Variants in DENND1A observed in about 807,000 individuals in gnomAD.
DENND1A encodes the protein DENN domain-containing protein 1A.
DENND1A carries 51 observed loss-of-function variants against 113.7 expected under a neutral mutation model. That is an observed-to-expected ratio of 0.45 (90% CI 0.36 to 0.57). The LOEUF (loss-of-function observed/expected upper bound fraction) is 0.57, where lower values mean the gene tolerates loss of function less well. DENND1A is among the 20% of genes least tolerant of loss of function. DENND1A has a pLI of 0.00. For synonymous variants in DENND1A, 565 were observed against 570.8 expected, an observed-to-expected ratio of 0.99 and a Z score of 0.14; for missense variants, 1,258 against 1,395.9, an observed-to-expected ratio of 0.90 and a Z score of 1.57.
At chr9:123,385,190 G>C (rs1208435925) in intron 22 of DENND1A, among the ~76,000 whole-genome samples, 1 of 152,062 alleles carries the variant, frequency 6.6e-6, no homozygotes, top group East Asian at 1.9e-4. Flanking sequence ...TTCAGACGGA[G>C]TTTCACTCTT....
At chr9:123,619,690 T>C (rs1194016261) in intron 10 of DENND1A, among the ~76,000 whole-genome samples, 1 of 152,214 alleles carries the variant, frequency 6.6e-6, no homozygotes, top group Non-Finnish European at 1.5e-5. Context: ...GTGCTGGCAT[T>C]ACAGGTGTGA....
chr9:123,499,148 C>A (rs1304360514), intron 13 of DENND1A, among the ~76,000 whole-genome samples: 1 of 152,152 alleles, frequency 6.6e-6, no homozygotes, highest in Non-Finnish European at 1.5e-5. Context: ...ATTCTCCCGC[C>A]TCAGCCTCCC....
At chr9:123,562,509 T>C (rs1274477223) in intron 12 of DENND1A, among the ~76,000 whole-genome samples, 4 of 152,146 alleles carry the variant, frequency 2.6e-5, no homozygotes, top group African/African-American at 9.7e-5. Flanking sequence ...AGGAAAAACA[T>C]GCAGGTTGCA....
At chr9:123,903,331 CAAAAAAAAAAA>C (rs869154918) in intron 1 of DENND1A, among the ~76,000 whole-genome samples, 552 of 27,010 alleles carry the variant, frequency 0.02, 15 homozygotes, top group African/African-American at 0.063. Flanking sequence ...GACTCCGTCT[CAAAAAAAAAAA>C]AAAAAAAAAA....
chr9:123,880,389 C>CA (rs774097924), intron 1 of DENND1A, among the ~76,000 whole-genome samples: 21 of 152,158 alleles, frequency 1.4e-4, no homozygotes, highest in Admixed American at 3.9e-4. Flanking sequence ...ATTATTTTTA[C>CA]ATTTTCTCTT....
chr9:123,539,879 T>C (rs1341150082), intron 13 of DENND1A, among the ~76,000 whole-genome samples: 1 of 130,008 alleles, frequency 7.7e-6, no homozygotes, highest in Non-Finnish European at 1.6e-5. Context: ...TGAGACTCCG[T>C]CTCAAAAAAA....
At chr9:123,707,255 A>G (rs1477180977) in intron 5 of DENND1A, among the ~76,000 whole-genome samples, 1 of 151,892 alleles carries the variant, frequency 6.6e-6, no homozygotes, top group African/African-American at 2.4e-5. Flanking sequence ...TTAGCCAGGC[A>G]TGGTGGCGCA....
intron 6 of DENND1A, among the ~76,000 whole-genome samples, chr9:123,674,342 TCA>T (rs546398875): frequency 0.17 from 21,755 of 131,272 alleles, 1,648 homozygotes; most frequent in East Asian, 0.2. Context: ...TGTCTCTCTC[TCA>T]CACACACACA....
At chr9:123,515,432 T>C (rs566769028) in intron 13 of DENND1A, among the ~76,000 whole-genome samples, 1 of 152,314 alleles carries the variant, frequency 6.6e-6, no homozygotes, top group Admixed American at 6.5e-5. Context: ...CATAATAACT[T>C]ACTTTAAAAT....
chr9:123,725,850 A>G (rs945046528), intron 5 of DENND1A, among the ~76,000 whole-genome samples: 4 of 152,248 alleles, frequency 2.6e-5, no homozygotes, highest in Non-Finnish European at 1.5e-5. Flanking sequence ...CTTGAGGAAG[A>G]TATCTTCCTG....
At chr9:123,609,357 G>A in intron 11 of DENND1A, 79 bp downstream of exon 11, 3 of 1,508,280 alleles carry the variant, frequency 2.0e-6, no homozygotes, top group South Asian at 1.2e-5. Context: ...TGTGACTGCT[G>A]AGACTGGGTC....
At chr9:123,780,053 C>A (rs1831065047) in intron 3 of DENND1A, among the ~76,000 whole-genome samples, 1 of 152,100 alleles carries the variant, frequency 6.6e-6, no homozygotes, top group Admixed American at 6.6e-5. Context: ...AGGGTTTCGC[C>A]ATGTTGGCCA....
intron 1 of DENND1A, among the ~76,000 whole-genome samples, chr9:123,915,973 G>C (rs1855033452): frequency 6.6e-6 from 1 of 152,108 alleles, no homozygotes; most frequent in Non-Finnish European, 1.5e-5. Context: ...AGGAGAATTT[G>C]ACAATATCTA....
intron 12 of DENND1A, among the ~76,000 whole-genome samples, chr9:123,575,091 C>T (rs770296654): frequency 7.2e-5 from 11 of 152,160 alleles, no homozygotes; most frequent in African/African-American, 1.4e-4. Flanking sequence ...AGCAGTCCCA[C>T]GACCTTTTTG....
chr9:123,558,221 T>C (rs554650175), intron 12 of DENND1A, among the ~76,000 whole-genome samples: 30 of 152,322 alleles, frequency 2.0e-4, no homozygotes, highest in African/African-American at 7.0e-4. Flanking sequence ...TTAGGCTACA[T>C]ACCTAGCAAC....
chr9:123,709,435 C>T (rs1368357983), intron 5 of DENND1A, among the ~76,000 whole-genome samples: 1 of 152,112 alleles, frequency 6.6e-6, no homozygotes, highest in Non-Finnish European at 1.5e-5. Context: ...TTCTGAATTC[C>T]CCTTGAGTCT....
At chr9:123,848,228 T>TAAAAAAAAAAAAAAAAAAAAAA in intron 2 of DENND1A, among the ~76,000 whole-genome samples, 1 of 60,520 alleles carries the variant, frequency 1.7e-5, no homozygotes, top group Non-Finnish European at 2.9e-5. Context: ...GATACTGCTT[T>TAAAAAAAAAAAAAAAAAAAAAA]AAAAAAAAAA....
chr9:123,671,224 C>T, intron 7 of DENND1A, 67 bp downstream of exon 7: 1 of 1,580,986 alleles, frequency 6.3e-7, no homozygotes, highest in Non-Finnish European at 8.7e-7. Context: ...TCCTGTTCAG[C>T]TAGCTCCCTC....
chr9:123,493,961 TGAGGTTTCTGGGGG>T (rs2051624542), intron 13 of DENND1A, among the ~76,000 whole-genome samples: 1 of 152,168 alleles, frequency 6.6e-6, no homozygotes, highest in Admixed American at 6.5e-5. Flanking sequence ...AAAAAGACTC[TGAGGTTTCTGGGGG>T]GAACTTCTCT....
Sources: allele counts gnomAD v4.1 joint callset (sites outside exome capture counted in the v4.1 genomes callset), GRCh38; gene constraint gnomAD v4.1.1; transcripts MANE v1.5; gene names NCBI Gene and HGNC (gene_info 2026-07-23, HGNC 2026-07-21).